The following CSMD1 variants were observed in gnomAD, a reference collection of about 807,000 sequenced individuals.
CSMD1 encodes the protein CUB and Sushi multiple domains 1.
Under a neutral mutation model 417.5 loss-of-function variants are expected in CSMD1, and 213 were observed. That is an observed-to-expected ratio of 0.51 (90% CI 0.46 to 0.57). The LOEUF (loss-of-function observed/expected upper bound fraction) is 0.57. Among genes scored for constraint, CSMD1 ranks in the 20% least tolerant of loss-of-function variants. CSMD1 has a pLI of 0.00. For synonymous variants in CSMD1, 2,862 were observed against 1,736.8 expected, an observed-to-expected ratio of 1.65 and a Z score of -16.11; for missense variants, 6,923 against 4,529.7, an observed-to-expected ratio of 1.53 and a Z score of -15.17.
intron 12 of CSMD1, among the ~76,000 whole-genome samples, chr8:3,418,681 C>G (rs1011798253): frequency 6.6e-6 from 1 of 152,144 alleles, no homozygotes; most frequent in African/African-American, 2.4e-5. Context: ...TCCCACTGCC[C>G]TGCACCAGAG....
intron 5 of CSMD1, among the ~76,000 whole-genome samples, chr8:3,982,661 G>A (rs1397517815): frequency 6.6e-6 from 1 of 151,988 alleles, no homozygotes; most frequent in Non-Finnish European, 1.5e-5. Context: ...AGATAGGGCA[G>A]ATCTGAGACC....
In CSMD1 at chr8:3,613,961, C is replaced by A. The variant is rs148471851; in HGVS notation, c.1097+2749G>T. On this transcript the variant is annotated intron_variant, in intron 8 of 69. Coordinates refer to ENST00000635120, the MANE Select transcript of CSMD1 (RefSeq NM_033225.6). ...AAATAAAAAAAATCCGATTGGAAAG[C>A]AAAAATTAAAAATCCTTTTATTTGT... is the stretch of plus-strand genomic sequence containing the variant. Among the ~76,000 whole-genome samples the A allele has an allele frequency of 3.8e-3, 576 of 151,738 alleles. 1 individual carries two copies. Among genetic ancestry groups the A allele is most frequent in the South Asian group, 6.9e-3 (33 of 4,804 alleles).
At chr8:4,290,260 T>G (rs575670690) in intron 3 of CSMD1, among the ~76,000 whole-genome samples, 1 of 152,180 alleles carries the variant, frequency 6.6e-6, no homozygotes, top group Non-Finnish European at 1.5e-5. Context: ...AGGGTGATGT[T>G]TGTTAGAAGA....
At chr8:3,283,773 G>C (rs998121161) in intron 26 of CSMD1, among the ~76,000 whole-genome samples, 1 of 152,160 alleles carries the variant, frequency 6.6e-6, no homozygotes, top group Non-Finnish European at 1.5e-5. Context: ...GTTCCTCCCC[G>C]TTTATCACCA....
At chr8:3,161,642 A>C (rs904089277) in intron 38 of CSMD1, among the ~76,000 whole-genome samples, 4 of 151,930 alleles carry the variant, frequency 2.6e-5, no homozygotes, top group African/African-American at 4.8e-5. Context: ...AAAAAAAAAA[A>C]AAACCCTCTT....
At chr8:4,010,513 T>A (rs749576144) in intron 4 of CSMD1, among the ~76,000 whole-genome samples, 4 of 152,118 alleles carry the variant, frequency 2.6e-5, no homozygotes, top group Non-Finnish European at 5.9e-5. Flanking sequence ...ACCTCAGCCA[T>A]GCCATCACCA....
intron 2 of CSMD1, among the ~76,000 whole-genome samples, chr8:4,472,358 C>A (rs1165927358): frequency 6.6e-6 from 1 of 152,102 alleles, no homozygotes; most frequent in African/African-American, 2.4e-5. Flanking sequence ...TGGTTTATTT[C>A]ATCCATCACT....
At chr8:3,310,710 G>A (rs551008895) in intron 23 of CSMD1, among the ~76,000 whole-genome samples, 35 of 151,502 alleles carry the variant, frequency 2.3e-4, no homozygotes, top group East Asian at 9.7e-4. Flanking sequence ...GGTGAGGGCC[G>A]CCCATGCTAA....
chr8:3,420,734 T>C (rs1210105732), intron 12 of CSMD1, among the ~76,000 whole-genome samples: 1 of 152,188 alleles, frequency 6.6e-6, no homozygotes, highest in East Asian at 1.9e-4. Context: ...AATGATTCCT[T>C]TTAGGCATAG....
intron 6 of CSMD1, among the ~76,000 whole-genome samples, chr8:3,718,193 A>G (rs947923601): frequency 2.0e-5 from 3 of 152,200 alleles, no homozygotes; most frequent in Non-Finnish European, 4.4e-5. Flanking sequence ...TGTTAGTACA[A>G]TAACTCTTTC....
At chr8:4,456,308 G>C (rs1244602838) in intron 2 of CSMD1, among the ~76,000 whole-genome samples, 1 of 152,052 alleles carries the variant, frequency 6.6e-6, no homozygotes, top group Non-Finnish European at 1.5e-5. Context: ...TTGTAATAAA[G>C]ACAGCAGTAA....
chr8:4,485,359 C>A (rs762236925), intron 2 of CSMD1, among the ~76,000 whole-genome samples: 1 of 152,176 alleles, frequency 6.6e-6, no homozygotes, highest in Non-Finnish European at 1.5e-5. Context: ...TTGTCTTTCA[C>A]TTGAGTTAAC....
At chr8:4,797,321 C>G (rs1563415027) in intron 1 of CSMD1, among the ~76,000 whole-genome samples, 1 of 152,156 alleles carries the variant, frequency 6.6e-6, no homozygotes, top group Non-Finnish European at 1.5e-5. Context: ...TTTGTGGCAG[C>G]TGAGAGTGCA....
chr8:4,411,996 G>GTC (rs1353084730), intron 3 of CSMD1, among the ~76,000 whole-genome samples: 1 of 143,080 alleles, frequency 7.0e-6, no homozygotes, highest in Non-Finnish European at 1.5e-5. Flanking sequence ...AAGGGTGTGT[G>GTC]TGTGTGTGTG....
chr8:3,391,470 G>A (rs542226065), intron 17 of CSMD1, among the ~76,000 whole-genome samples: 38 of 152,198 alleles, frequency 2.5e-4, no homozygotes. Flanking sequence ...AACATACAAA[G>A]CAGATGATCA....
intron 5 of CSMD1, among the ~76,000 whole-genome samples, chr8:3,827,591 A>G (rs1422902174): frequency 6.6e-6 from 1 of 152,224 alleles, no homozygotes; most frequent in East Asian, 1.9e-4. Flanking sequence ...TTCAAATTAC[A>G]TCAATGAAAT....
chr8:3,760,731 C>T (rs1171310415), intron 5 of CSMD1, among the ~76,000 whole-genome samples: 1 of 152,136 alleles, frequency 6.6e-6, no homozygotes, highest in African/African-American at 2.4e-5. Context: ...TACATTAAGC[C>T]AGATTTCTTA....
At chr8:4,194,003 T>A (rs1799190101) in intron 3 of CSMD1, among the ~76,000 whole-genome samples, 2 of 152,106 alleles carry the variant, frequency 1.3e-5, no homozygotes. Flanking sequence ...TATATCCCCT[T>A]CATAATGTTT....
intron 10 of CSMD1, among the ~76,000 whole-genome samples, chr8:3,512,837 C>G (rs1351444597): frequency 1.3e-5 from 2 of 151,978 alleles, no homozygotes; most frequent in African/African-American, 4.8e-5. Context: ...ATCTCTTCAT[C>G]CGCCCACCTC....
Sources: allele counts gnomAD v4.1 joint callset (sites outside exome capture counted in the v4.1 genomes callset), GRCh38; gene constraint gnomAD v4.1.1; transcripts MANE v1.5; gene names NCBI Gene and HGNC (gene_info 2026-07-23, HGNC 2026-07-21).